MARCHF10: variants seen among roughly 807,000 people sequenced by gnomAD.
The protein encoded by MARCHF10 is membrane associated ring-CH-type finger 10.
MARCHF10 carries 64 observed loss-of-function variants against 76.2 expected under a neutral mutation model. That is an observed-to-expected ratio of 0.84 (90% CI 0.69 to 1.03). The LOEUF is 1.03. Among genes scored for constraint, MARCHF10 ranks in the 50% least tolerant of loss-of-function variants. The pLI, the probability that MARCHF10 is intolerant of heterozygous loss-of-function variation, is 0.00. For missense variants in MARCHF10, 875 were observed against 958.0 expected (o/e 0.91, Z 1.14); for synonymous variants, 340 against 357.5 (o/e 0.95, Z 0.55).
Position 62,737,175 on chromosome 17 carries a change from C to A in MARCHF10, c.693G>T (p.Leu231=), listed in dbSNP as rs756363616. Residue 231 remains leucine (L), a synonymous_variant, in exon 6 of 11, where the codon CTG becomes CTT. Coordinates refer to ENST00000311269, the MANE Select transcript of MARCHF10 (RefSeq NM_152598.4). ...GDPSAPSQSE[L]HPALSQAFQG... ...GGAAGGCCTGGGACAGGGCTGGATG[C>A]AGCTCACTCTGGGAAGGAGCACTCG... 1.9e-6 allele frequency: 3 copies of A among 1,614,058 alleles called. No individual in the cohort carries two copies. The highest frequency in any genetic ancestry group is 2.5e-6 in the Non-Finnish European group (3 of 1,180,024).
Position 62,744,361 on chromosome 17 carries a change from G to A in MARCHF10, c.535+15C>T. ...CCTCTCCAAGGACAAAGGTTCGGGA[G>A]CCCCGGGTCCTTACCTGCTCCCCTG... On this transcript the variant is annotated intron_variant, in intron 5 of 10. Coordinates refer to ENST00000311269, the MANE Select transcript of MARCHF10 (RefSeq NM_152598.4). The A allele has an allele frequency of 6.2e-7, 1 of 1,607,186 alleles. No homozygotes were observed. The highest frequency in any genetic ancestry group is 8.5e-7 in the Non-Finnish European group (1 of 1,177,938).
intron 3 of MARCHF10, among the ~76,000 whole-genome samples, chr17:62,773,038 G>A (rs1453404824): frequency 2.0e-5 from 3 of 152,302 alleles, no homozygotes; most frequent in Non-Finnish European, 4.4e-5. Flanking sequence ...ATTACTCTGA[G>A]AAGGGGATCT....
At chr17:62,785,139 C>A (rs139640252) in intron 3 of MARCHF10, among the ~76,000 whole-genome samples, 5,875 of 152,180 alleles carry the variant, frequency 0.039, 386 homozygotes, top group African/African-American at 0.13. Flanking sequence ...CACAAGGCTA[C>A]GGTAACCAAA....
intron 10 of MARCHF10, among the ~76,000 whole-genome samples, chr17:62,702,985 C>T (rs2089341526): frequency 2.0e-5 from 3 of 152,272 alleles, no homozygotes; most frequent in South Asian, 4.1e-4. Flanking sequence ...GAGGTATTGC[C>T]CCCACTACCG....
intron 5 of MARCHF10, among the ~76,000 whole-genome samples, chr17:62,739,535 C>T (rs2091425219): frequency 6.6e-6 from 1 of 151,946 alleles, no homozygotes. Context: ...GCATGCTCCA[C>T]CAAGCCCGGC....
At chr17:62,756,944 T>C (rs8067559) in intron 4 of MARCHF10, among the ~76,000 whole-genome samples, 194 of 152,342 alleles carry the variant, frequency 1.3e-3, no homozygotes, top group African/African-American at 4.5e-3. Flanking sequence ...TCTAACAGGA[T>C]GAAGAGCAAT....
intron 8 of MARCHF10, 84 bp downstream of exon 8, chr17:62,722,404 T>C: frequency 1.1e-6 from 1 of 939,592 alleles, no homozygotes; most frequent in Non-Finnish European, 1.7e-6. Flanking sequence ...TCTACATTTC[T>C]TAGATCAGGG....
Position 62,736,052 on chromosome 17 carries a change from C to T in MARCHF10, c.1816G>A (p.Val606Met), listed in dbSNP as rs1178090947. 1.9e-6 allele frequency: 3 copies of T among 1,614,210 alleles called. No homozygotes were observed. In the South Asian group the frequency reaches 3.3e-5, roughly 18 times the overall value. Residue 606 changes from valine (V) to methionine (M), a missense_variant, in exon 6 of 11, where the codon GTG (valine) becomes ATG (methionine). By Grantham distance (21) the Val-to-Met change is conservative. Coordinates refer to ENST00000311269, the MANE Select transcript of MARCHF10 (RefSeq NM_152598.4). ...TCATTTTGATTTGGGAAATGAGACA[C>T]TGCAAAGAAAGTAAATGGTGTATTT... is the stretch of plus-strand genomic sequence containing the variant. ...QENTPFTFFA[V>M]SHFPNQNDNG...
intron 5 of MARCHF10, 90 bp downstream of exon 5, chr17:62,744,286 G>T: frequency 1.5e-6 from 2 of 1,369,174 alleles, no homozygotes; most frequent in Non-Finnish European, 2.0e-6. Context: ...AAAAGTACAA[G>T]TATCTAAAAA....
At position 62,736,837 on chromosome 17, in the gene MARCHF10, GAAGAATGACCTCTGC is replaced by G; in HGVS notation, c.1016_1030del (p.Cys339_Ser343del). 1 of 1,613,972 alleles carries G rather than the reference GAAGAATGACCTCTGC, an allele frequency of 6.2e-7. No homozygotes were observed. The highest frequency in any genetic ancestry group is 8.5e-7 in the Non-Finnish European group (1 of 1,179,932). On this transcript the variant is annotated inframe_deletion, in exon 6 of 11. Coordinates refer to ENST00000311269, the MANE Select transcript of MARCHF10 (RefSeq NM_152598.4). ...GCCATGACTGGGCTCACTTCTTCTTGAAGAATGACCTCTGCAATTTTCAGCATTTTCTTCAAAATT... is the reference window on the plus strand; with the variant it reads ...GCCATGACTGGGCTCACTTCTTCTTGAATTTTCAGCATTTTCTTCAAAATT...
chr17:62,721,832 A>G (rs1568110332), intron 8 of MARCHF10, among the ~76,000 whole-genome samples: 1 of 151,940 alleles, frequency 6.6e-6, no homozygotes. Flanking sequence ...TTCCTCCAAG[A>G]CCCTGATTTT....
At chr17:62,771,070 T>C (rs534164085) in intron 3 of MARCHF10, among the ~76,000 whole-genome samples, 3 of 152,158 alleles carry the variant, frequency 2.0e-5, no homozygotes, top group African/African-American at 7.2e-5. Context: ...TTAGCCAGGA[T>C]GGTCTTGATC....
chr17:62,702,029 G>A (rs1272692489), intron 10 of MARCHF10, among the ~76,000 whole-genome samples: 3 of 152,196 alleles, frequency 2.0e-5, no homozygotes, highest in Non-Finnish European at 4.4e-5. Flanking sequence ...GCCTGGTGCA[G>A]AACTTGTTTT....
At chr17:62,735,843 T>A in intron 6 of MARCHF10, 88 bp downstream of exon 6, 1 of 1,301,064 alleles carries the variant, frequency 7.7e-7, no homozygotes. Context: ...CATTTATGAC[T>A]TAAAATTCCC....
chr17:62,757,465 T>C (rs916292512), intron 4 of MARCHF10, among the ~76,000 whole-genome samples: 12 of 152,238 alleles, frequency 7.9e-5, no homozygotes, highest in Non-Finnish European at 1.3e-4. Flanking sequence ...GAGCTCAACT[T>C]TTCCTGAACA....
intron 3 of MARCHF10, among the ~76,000 whole-genome samples, chr17:62,769,151 T>C (rs2092394873): frequency 6.6e-6 from 1 of 152,194 alleles, no homozygotes. Context: ...TATCAGCAGG[T>C]GCCTTGTTAG....
Position 62,744,536 on chromosome 17 carries a change from A to T in MARCHF10, c.383-8T>A, listed in dbSNP as rs747726209. The T allele has an allele frequency of 6.2e-7, 1 of 1,610,500 alleles. No individual in the cohort carries two copies. Among genetic ancestry groups the T allele is most frequent in the Non-Finnish European group, 8.5e-7 (1 of 1,179,286 alleles). ...CCATTGGTGCTTGGTCTGCTGAAAG[A>T]TGCAAAGTCTTTTCAATAATTATTT... On this transcript the variant is annotated splice_polypyrimidine_tract_variant and splice_region_variant and intron_variant, in intron 4 of 10. Transcript: ENST00000311269.
intron 3 of MARCHF10, among the ~76,000 whole-genome samples, chr17:62,787,600 T>C (rs1041892163): frequency 1.3e-5 from 2 of 152,218 alleles, no homozygotes; most frequent in African/African-American, 4.8e-5. Flanking sequence ...AATATGATCA[T>C]AGAGCTTAGC....
intron 8 of MARCHF10, among the ~76,000 whole-genome samples, chr17:62,722,043 G>T (rs1031051381): frequency 6.6e-6 from 1 of 152,080 alleles, no homozygotes; most frequent in Admixed American, 6.6e-5. Flanking sequence ...AGCACTCTGG[G>T]AGGTGGAGGC....
Sources: allele counts gnomAD v4.1 joint callset (sites outside exome capture counted in the v4.1 genomes callset), GRCh38; gene constraint gnomAD v4.1.1; transcripts MANE v1.5; gene names NCBI Gene and HGNC (gene_info 2026-07-23, HGNC 2026-07-21).